ZYG11B: variants seen among roughly 807,000 people sequenced by gnomAD.
The protein encoded by ZYG11B is zyg-11 family member B, cell cycle regulator.
A neutral mutation model predicts 82.4 loss-of-function variants in ZYG11B; 36 were observed. That is an observed-to-expected ratio of 0.44 (90% CI 0.33 to 0.58). The LOEUF is 0.58. Ranked by LOEUF, ZYG11B falls within the 20% of genes least tolerant of loss-of-function variation. The pLI is 0.02. For missense variants in ZYG11B, 552 were observed against 895.6 expected, an observed-to-expected ratio of 0.62 and a Z score of 4.90; for synonymous variants, 303 against 312.8, an observed-to-expected ratio of 0.97 and a Z score of 0.33.
intron 1 of ZYG11B, among the ~76,000 whole-genome samples, chr1:52,731,607 T>C (rs1571735969): frequency 1.3e-5 from 2 of 152,176 alleles, no homozygotes; most frequent in East Asian, 3.9e-4. Context: ...GGCACTGTGA[T>C]TACAGAAGTG....
intron 8 of ZYG11B, among the ~76,000 whole-genome samples, chr1:52,798,113 A>G (rs1481027381): frequency 6.6e-6 from 1 of 151,844 alleles, no homozygotes. Flanking sequence ...ATGGAGTGAG[A>G]CCCGTTCTCA....
chr1:52,799,005 A>G (rs1032186326), intron 8 of ZYG11B, among the ~76,000 whole-genome samples: 2 of 152,130 alleles, frequency 1.3e-5, no homozygotes, highest in African/African-American at 4.8e-5. Flanking sequence ...TAAAGTACCC[A>G]TGATATCAAA....
At chr1:52,735,790 G>A (rs1393163540) in intron 1 of ZYG11B, among the ~76,000 whole-genome samples, 1 of 152,042 alleles carries the variant, frequency 6.6e-6, no homozygotes, top group African/African-American at 2.4e-5. Context: ...TGCCTGCCTT[G>A]GTCTTCCTAC....
chr1:52,756,962 C>T (rs1644583353), intron 2 of ZYG11B, among the ~76,000 whole-genome samples: 1 of 151,216 alleles, frequency 6.6e-6, no homozygotes, highest in African/African-American at 2.4e-5. Flanking sequence ...GGACCACAGG[C>T]TTGTGCCACC....
intron 13 of ZYG11B, among the ~76,000 whole-genome samples, chr1:52,817,765 GTATATATATGTGTATATA>G (rs1350264109): frequency 6.7e-5 from 4 of 60,052 alleles, no homozygotes; most frequent in African/African-American, 3.6e-4. Flanking sequence ...AGTAAAGTGT[GTATATATATGTGTATATA>G]TATATATATA....
chr1:52,796,987 T>A (rs1252267643), intron 8 of ZYG11B, among the ~76,000 whole-genome samples: 1 of 73,436 alleles, frequency 1.4e-5, no homozygotes, highest in Non-Finnish European at 2.0e-5. Flanking sequence ...AATATATATA[T>A]TTTTTATATA....
At chr1:52,763,691 A>C (rs145424176) in intron 2 of ZYG11B, among the ~76,000 whole-genome samples, 93 of 152,282 alleles carry the variant, frequency 6.1e-4, no homozygotes, top group African/African-American at 2.1e-3. Context: ...CTCTTGTCAT[A>C]ATCTTTTCTC....
intron 13 of ZYG11B, among the ~76,000 whole-genome samples, chr1:52,817,777 GTATATATATA>G (rs869260265): frequency 2.6e-3 from 110 of 41,524 alleles, no homozygotes; most frequent in African/African-American, 7.6e-3. Context: ...ATATATATGT[GTATATATATA>G]TATATATATA....
At chr1:52,736,900 T>C (rs1644382766) in intron 1 of ZYG11B, among the ~76,000 whole-genome samples, 1 of 152,112 alleles carries the variant, frequency 6.6e-6, no homozygotes, top group African/African-American at 2.4e-5. Flanking sequence ...GAAAGTGTTT[T>C]ATGTAGTATA....
chr1:52,812,925 C>G (rs1442659868), intron 10 of ZYG11B, among the ~76,000 whole-genome samples: 1 of 152,096 alleles, frequency 6.6e-6, no homozygotes, highest in Non-Finnish European at 1.5e-5. Flanking sequence ...CGGGCTTTCT[C>G]CATGTTGGCC....
intron 2 of ZYG11B, among the ~76,000 whole-genome samples, chr1:52,759,624 G>A (rs1558124049): frequency 6.6e-6 from 1 of 152,104 alleles, no homozygotes; most frequent in South Asian, 2.1e-4. Flanking sequence ...TCATCAAGAA[G>A]GGTTCTGAAT....
At chr1:52,753,696 A>C (rs1377532625) in intron 1 of ZYG11B, among the ~76,000 whole-genome samples, 1 of 151,984 alleles carries the variant, frequency 6.6e-6, no homozygotes, top group Admixed American at 6.6e-5. Flanking sequence ...TCCCGGGTGC[A>C]AGCGATTCTC....
chr1:52,790,748 G>T (rs1644950148), intron 6 of ZYG11B, among the ~76,000 whole-genome samples: 3 of 129,646 alleles, frequency 2.3e-5, no homozygotes, highest in African/African-American at 5.9e-5. Context: ...AAAGACATAG[G>T]TCTTCTAATT....
intron 3 of ZYG11B, chr1:52,772,110 C>G (rs1433954063): frequency 1.7e-5 from 16 of 918,830 alleles, no homozygotes; most frequent in Non-Finnish European, 1.2e-5. Context: ...TATTTTGAAC[C>G]ATTTACATAT....
intron 2 of ZYG11B, among the ~76,000 whole-genome samples, chr1:52,756,988 C>A (rs1422058272): frequency 6.7e-6 from 1 of 150,312 alleles, no homozygotes; most frequent in Non-Finnish European, 1.5e-5. Context: ...TGGCTAATTT[C>A]AACATTTTTC....
At chr1:52,753,529 C>T (rs1329985857) in intron 1 of ZYG11B, among the ~76,000 whole-genome samples, 2 of 151,824 alleles carry the variant, frequency 1.3e-5, no homozygotes, top group African/African-American at 4.8e-5. Flanking sequence ...AAGCAATTCT[C>T]CTGCCTCAGC....
At chr1:52,743,464 T>C (rs1383113332) in intron 1 of ZYG11B, among the ~76,000 whole-genome samples, 1 of 139,644 alleles carries the variant, frequency 7.2e-6, no homozygotes, top group African/African-American at 2.7e-5. Flanking sequence ...TACAGTAAGA[T>C]AATGTTAATT....
chr1:52,813,790 C>T (rs1645202665), intron 11 of ZYG11B, 57 bp downstream of exon 11: 1 of 1,612,698 alleles, frequency 6.2e-7, no homozygotes, highest in Non-Finnish European at 8.5e-7. Flanking sequence ...ATCAAAGCCT[C>T]ATAATGTAGT....
intron 13 of ZYG11B, among the ~76,000 whole-genome samples, chr1:52,817,686 T>TA (rs1335719386): frequency 4.1e-5 from 6 of 147,474 alleles, no homozygotes; most frequent in African/African-American, 1.5e-4. Context: ...AAGCGTGGCC[T>TA]AATTATTTAT....
Sources: allele counts gnomAD v4.1 joint callset (sites outside exome capture counted in the v4.1 genomes callset), GRCh38; gene constraint gnomAD v4.1.1; transcripts MANE v1.5; gene names NCBI Gene and HGNC (gene_info 2026-07-23, HGNC 2026-07-21).